Variants in CMSS1 observed in about 807,000 individuals in gnomAD.
CMSS1 encodes protein CMSS1.
In CMSS1, 33 loss-of-function variants were observed where a neutral mutation model predicts 43.5. The ratio of observed to expected loss-of-function variants is 0.76; its 90% confidence interval spans 0.57 to 1.01. CMSS1 has a LOEUF of 1.01. Among genes scored for constraint, CMSS1 ranks in the 50% least tolerant of loss-of-function variants. The probability of loss-of-function intolerance (pLI) is 0.00; values close to 1 mark genes in which losing one functional copy is unlikely to be tolerated. For missense variants in CMSS1, 313 were observed against 326.4 expected (o/e 0.96, Z 0.32); for synonymous variants, 115 against 117.2 (o/e 0.98, Z 0.12).
chr3:99,849,138 G>A (rs552204390), intron 1 of CMSS1: 1 of 1,614,150 alleles, frequency 6.2e-7, no homozygotes. Flanking sequence ...TGCATTTGAA[G>A]GACAGCACAG....
In CMSS1 at chr3:99,817,873, G is replaced by C; in HGVS notation, c.-107G>C. 2 of 1,156,646 alleles carry C rather than the reference G, an allele frequency of 1.7e-6. No homozygotes were observed. The highest frequency in any genetic ancestry group is 2.5e-6 in the Non-Finnish European group (2 of 791,326). The allele number at this position is 1,156,646 out of a possible 1,614,324, so 71.6% of individuals were successfully genotyped here. ...GGGGCGGAGGCGACAGTGTCTAGCG[G>C]GAGCTCCGCGTGTAGCTACGCCGGC... On this transcript the variant is annotated 5_prime_UTR_variant, in exon 1 of 10. Transcript: ENST00000421999.
intron 1 of CMSS1, among the ~76,000 whole-genome samples, chr3:100,087,544 C>T (rs977320868): frequency 2.0e-5 from 3 of 152,092 alleles, no homozygotes; most frequent in Non-Finnish European, 4.4e-5. Context: ...TTTAGTGAGG[C>T]ATCTTTTCAA....
intron 1 of CMSS1, among the ~76,000 whole-genome samples, chr3:100,047,688 C>G (rs2065299362): frequency 6.6e-6 from 1 of 152,162 alleles, no homozygotes; most frequent in Non-Finnish European, 1.5e-5. Context: ...TATGTGAAGT[C>G]AAGAAACAAT....
chr3:100,112,542 A>T (rs1348590265), intron 1 of CMSS1, among the ~76,000 whole-genome samples: 1 of 152,244 alleles, frequency 6.6e-6, no homozygotes, highest in African/African-American at 2.4e-5. Context: ...AATAAAGCTT[A>T]AGCAAAAAAG....
intron 1 of CMSS1, among the ~76,000 whole-genome samples, chr3:99,916,670 G>T (rs1706964802): frequency 6.6e-6 from 1 of 152,114 alleles, no homozygotes; most frequent in African/African-American, 2.4e-5. Context: ...TAAATGCTTT[G>T]CCCAAGGTCA....
chr3:99,884,757 C>T (rs1705838825), intron 1 of CMSS1, among the ~76,000 whole-genome samples: 1 of 152,192 alleles, frequency 6.6e-6, no homozygotes, highest in African/African-American at 2.4e-5. Flanking sequence ...GCTTTCAGTT[C>T]ATTTTTGTAC....
At chr3:99,877,187 T>A (rs1705564327) in intron 1 of CMSS1, among the ~76,000 whole-genome samples, 1 of 152,246 alleles carries the variant, frequency 6.6e-6, no homozygotes, top group Non-Finnish European at 1.5e-5. Context: ...GTGGCATTCT[T>A]ATTTGCAAGC....
intron 1 of CMSS1, among the ~76,000 whole-genome samples, chr3:99,990,488 A>G (rs1176947767): frequency 6.6e-6 from 1 of 152,246 alleles, no homozygotes; most frequent in Non-Finnish European, 1.5e-5. Context: ...CTCTCAACTT[A>G]AAGTCAAACT....
intron 1 of CMSS1, among the ~76,000 whole-genome samples, chr3:100,067,551 A>G (rs928283192): frequency 1.3e-5 from 2 of 152,208 alleles, no homozygotes; most frequent in African/African-American, 2.4e-5. Flanking sequence ...AATCATCTGA[A>G]TTTTGCAGAT....
chr3:99,928,853 A>T (rs1158409272), intron 1 of CMSS1, among the ~76,000 whole-genome samples: 1 of 152,196 alleles, frequency 6.6e-6, no homozygotes, highest in African/African-American at 2.4e-5. Context: ...TAAAATTTGG[A>T]TTAAAGTGCA....
chr3:100,000,931 G>A (rs1709824288), intron 1 of CMSS1, among the ~76,000 whole-genome samples: 3 of 151,748 alleles, frequency 2.0e-5, no homozygotes, highest in Admixed American at 2.0e-4. Flanking sequence ...CAAGACACTT[G>A]TAAGAGTAGC....
chr3:100,043,778 C>T (rs933535176), intron 1 of CMSS1, among the ~76,000 whole-genome samples: 22 of 149,132 alleles, frequency 1.5e-4, no homozygotes, highest in African/African-American at 5.7e-4. Context: ...GTTAACATAT[C>T]CATCACCTCA....
chr3:99,923,486 A>G (rs1707187991), intron 1 of CMSS1, among the ~76,000 whole-genome samples: 1 of 151,958 alleles, frequency 6.6e-6, no homozygotes. Context: ...CTTCTCAGTA[A>G]CTCCTTGTTT....
intron 1 of CMSS1, among the ~76,000 whole-genome samples, chr3:99,907,661 C>G (rs1450418785): frequency 1.3e-5 from 2 of 152,154 alleles, no homozygotes; most frequent in East Asian, 3.8e-4. Flanking sequence ...TTGCTTTTTC[C>G]TGAATTTGAT....
chr3:99,922,686 T>C (rs554544528), intron 1 of CMSS1, among the ~76,000 whole-genome samples: 17 of 152,336 alleles, frequency 1.1e-4, no homozygotes, highest in Admixed American at 5.9e-4. Context: ...TAGAGAGGGT[T>C]AATTGTCCTT....
chr3:99,970,209 G>A (rs765867424), intron 1 of CMSS1, among the ~76,000 whole-genome samples: 2 of 152,216 alleles, frequency 1.3e-5, no homozygotes, highest in Non-Finnish European at 2.9e-5. Flanking sequence ...TGAAGGCATA[G>A]AAATAATAAG....
chr3:99,925,390 T>A (rs1294484719), intron 1 of CMSS1, among the ~76,000 whole-genome samples: 1 of 152,186 alleles, frequency 6.6e-6, no homozygotes, highest in East Asian at 1.9e-4. Context: ...TGGGCCTACA[T>A]CCTTCTTTTT....
intron 1 of CMSS1, chr3:99,849,693 T>C: frequency 1.9e-6 from 3 of 1,613,604 alleles, no homozygotes; most frequent in Non-Finnish European, 2.5e-6. Flanking sequence ...TAGCATACCT[T>C]CGTTCTAGAG....
In CMSS1 at chr3:100,147,040, A is replaced by G. The variant is rs150607613; in HGVS notation, c.132A>G (p.Val44=). The G allele has an allele frequency of 1.9e-6, 3 of 1,613,852 alleles. No individual in the cohort carries two copies. The highest frequency in any genetic ancestry group is 1.1e-5 in the South Asian group (1 of 91,058). ...AGCAGGAGACAGTTCCAGTTCCTGTACCTTCAGAGAAAACCAAACAGGTGA... is the reference window on the plus strand; with the variant it reads ...AGCAGGAGACAGTTCCAGTTCCTGTGCCTTCAGAGAAAACCAAACAGGTGA... ...VMQQETVPVP[V]PSEKTKQPKE... The change falls in exon 2 of 10, where the codon GTA becomes GTG. Residue 44 remains valine (V), a synonymous_variant. Coordinates refer to ENST00000421999, the MANE Select transcript of CMSS1 (RefSeq NM_032359.4).
Sources: gnomAD v4.1 joint callset for allele counts (sites outside exome capture counted in the v4.1 genomes callset) on GRCh38, gnomAD v4.1.1 for gene constraint, MANE v1.5 for transcripts, NCBI Gene and HGNC (gene_info 2026-07-23, HGNC 2026-07-21) for gene names.